HS3ST3B1: variants seen among roughly 807,000 people sequenced by gnomAD.
The protein encoded by HS3ST3B1 is heparan sulfate glucosamine 3-O-sulfotransferase 3B1.
A neutral mutation model predicts 21.3 loss-of-function variants in HS3ST3B1; 13 were observed. That is an observed-to-expected ratio of 0.61 (90% CI 0.40 to 0.97). The LOEUF (loss-of-function observed/expected upper bound fraction) is 0.97. HS3ST3B1 is among the 50% of genes least tolerant of loss of function. The probability of loss-of-function intolerance (pLI) is 0.00; values close to 1 mark genes in which losing one functional copy is unlikely to be tolerated. For missense variants in HS3ST3B1, 459 were observed against 554.8 expected, an observed-to-expected ratio of 0.83 and a Z score of 1.73; for synonymous variants, 234 against 254.8, an observed-to-expected ratio of 0.92 and a Z score of 0.78.
chr17:14,313,840 G>T (rs1909414302), intron 1 of HS3ST3B1, among the ~76,000 whole-genome samples: 1 of 152,304 alleles, frequency 6.6e-6, no homozygotes, highest in Admixed American at 6.5e-5. Flanking sequence ...AAAGTGCTGG[G>T]ATTACAGGCG....
In HS3ST3B1 at chr17:14,301,117, G is replaced by T. The variant is rs934799874; in HGVS notation, c.-402G>T. ...CTGCAGCCTCTGCGGGGAAGTGCCG[G>T]GGCTGCTCGAGGCTCAGTTCTTAGG... On this transcript the variant is annotated 5_prime_UTR_variant, in exon 1 of 2. Coordinates refer to ENST00000360954, the MANE Select transcript of HS3ST3B1 (RefSeq NM_006041.3). 3 of 206,984 alleles carry T rather than the reference G, an allele frequency of 1.4e-5. No homozygotes were observed. In the Admixed American group the frequency reaches 1.8e-4, roughly 12 times the overall value. 12.8% of individuals were successfully genotyped at this position (206,984 alleles called of 1,614,324 possible). A position where few individuals can be genotyped will look rare whatever the true frequency, so the allele number is the denominator to read the frequency against.
At chr17:14,326,155 A>G (rs536595008) in intron 1 of HS3ST3B1, among the ~76,000 whole-genome samples, 1 of 152,210 alleles carries the variant, frequency 6.6e-6, no homozygotes, top group South Asian at 2.1e-4. Context: ...CAGAAAGAAT[A>G]GTCCAGGAGG....
Position 14,348,714 on chromosome 17 carries a change from T to C in HS3ST3B1, c.*3068T>C, listed in dbSNP as rs1292799865. 3 of 152,300 alleles carry C rather than the reference T, an allele frequency of 2.0e-5. No homozygotes were observed. Among genetic ancestry groups the C allele is most frequent in the South Asian group, 2.1e-4 (1 of 4,828 alleles). 9.4% of individuals were successfully genotyped at this position (152,300 alleles called of 1,614,324 possible). ...ATTCATTGGAGTACTTTATTTTTTT[T>C]CCTCAGTTTTGTTTCTTTTCTCATG... On this transcript the variant is annotated 3_prime_UTR_variant, in exon 2 of 2. Coordinates refer to ENST00000360954, the MANE Select transcript of HS3ST3B1 (RefSeq NM_006041.3).
rs1173656947 is a variant in HS3ST3B1 at position 14,303,481 on chromosome 17, C to A, written c.554+1409C>A. On this transcript the variant is annotated intron_variant, in intron 1 of 1. Coordinates refer to ENST00000360954, the MANE Select transcript of HS3ST3B1 (RefSeq NM_006041.3). This position sits in a 1 kb window ranked among gnomAD's most constrained non-coding sequence, Gnocchi z 5.7. The stretch of plus-strand genomic sequence containing the variant: ...TCGAGGTTTAGCCAACCGTGACAGT[C>A]ATCTTTCCCACCGTTCCCGGGCTGT... 6.6e-6 allele frequency among the ~76,000 whole-genome samples: 1 copy of A among 152,174 alleles called. No homozygotes were observed. Among genetic ancestry groups the A allele is most frequent in the Non-Finnish European group, 1.5e-5 (1 of 68,026 alleles).
chr17:14,334,567 C>G (rs1236669579), intron 1 of HS3ST3B1, among the ~76,000 whole-genome samples: 1 of 152,048 alleles, frequency 6.6e-6, no homozygotes, highest in African/African-American at 2.4e-5. Context: ...CATAAACTCC[C>G]CCATTATCAA....
chr17:14,319,934 C>G (rs12952906), intron 1 of HS3ST3B1, among the ~76,000 whole-genome samples: 50,835 of 151,750 alleles, frequency 0.33, 8,655 homozygotes, highest in Non-Finnish European at 0.35. Flanking sequence ...CCACCCTCCC[C>G]CCGAGTCCCC....
intron 1 of HS3ST3B1, among the ~76,000 whole-genome samples, chr17:14,337,636 C>T (rs2142350039): frequency 6.6e-6 from 1 of 151,838 alleles, no homozygotes; most frequent in East Asian, 1.9e-4. Context: ...TGCACCTGAC[C>T]TGCCTGATTG....
At position 14,347,412 on chromosome 17, in the gene HS3ST3B1, G is replaced by GT. The variant is rs1285576129; in HGVS notation, c.*1772dup. The GT allele has an allele frequency of 5.9e-5, 9 of 152,302 alleles. No homozygotes were observed. The highest frequency in any genetic ancestry group is 3.4e-3 in the Middle Eastern group (1 of 294). The allele number at this position is 152,302 out of a possible 1,614,324, so 9.4% of individuals were successfully genotyped here. A position where few individuals can be genotyped will look rare whatever the true frequency, so the allele number is the denominator to read the frequency against. ...TAATGATATGTTTAATTTAACCTCAGTTTTTTAAACCAGAATGCTTCTACC... is the reference window on the plus strand; with the variant it reads ...TAATGATATGTTTAATTTAACCTCAGTTTTTTTAAACCAGAATGCTTCTACC... On this transcript the variant is annotated 3_prime_UTR_variant, in exon 2 of 2. Coordinates refer to ENST00000360954, the MANE Select transcript of HS3ST3B1 (RefSeq NM_006041.3).
rs35154149 is a variant in HS3ST3B1, at chr17:14,312,901, C to CTT, written c.554+10846_554+10847dup. Among the ~76,000 whole-genome samples, 666 of 129,406 alleles carry CTT rather than the reference C, an allele frequency of 5.1e-3. 9 individuals are homozygous for CTT. The highest frequency in any genetic ancestry group is 0.015 in the South Asian group (59 of 3,900). 84.9% of individuals were successfully genotyped at this position (129,406 alleles called of 152,430 possible). On this transcript the variant is annotated intron_variant, in intron 1 of 1. Coordinates refer to ENST00000360954, the MANE Select transcript of HS3ST3B1 (RefSeq NM_006041.3). Reference sequence around the variant, plus strand: ...CCCCAGCAGTTGTGAGTGAAAATGTCTTTTTTTTTTTTTTTTTTCCAGAGA... The same window carrying CTT: ...CCCCAGCAGTTGTGAGTGAAAATGTCTTTTTTTTTTTTTTTTTTTTCCAGAGA...
chr17:14,330,217 A>T (rs1909966105), intron 1 of HS3ST3B1, among the ~76,000 whole-genome samples: 1 of 152,100 alleles, frequency 6.6e-6, no homozygotes, highest in Non-Finnish European at 1.5e-5. Flanking sequence ...TTTTGTACGT[A>T]TTCAAACACC....
chr17:14,318,254 G>A (rs1909559299), intron 1 of HS3ST3B1, among the ~76,000 whole-genome samples: 1 of 152,112 alleles, frequency 6.6e-6, no homozygotes, highest in Non-Finnish European at 1.5e-5. Flanking sequence ...GCTGGGCCCT[G>A]CCACCTCTCC....
At chr17:14,310,656 A>T (rs1300511234) in intron 1 of HS3ST3B1, among the ~76,000 whole-genome samples, 1 of 152,166 alleles carries the variant, frequency 6.6e-6, no homozygotes, top group African/African-American at 2.4e-5. Flanking sequence ...TCTCTTCCAG[A>T]TCGCTCCCGG....
chr17:14,340,272 C>T (rs543575116), intron 1 of HS3ST3B1, among the ~76,000 whole-genome samples: 14 of 152,286 alleles, frequency 9.2e-5, no homozygotes, highest in African/African-American at 3.4e-4. Context: ...GATATCTTAT[C>T]AGGTTCCTCA....
At position 14,307,792 on chromosome 17, in the gene HS3ST3B1, G is replaced by A. The variant is rs184931169; in HGVS notation, c.554+5720G>A. On this transcript the variant is annotated intron_variant, in intron 1 of 1. Transcript: ENST00000360954. ...ACACAAAATGCCTACTCTAAAGGCAGGGCATAATGAGCATTTCTTTTGCTG... is the reference window on the plus strand; with the variant it reads ...ACACAAAATGCCTACTCTAAAGGCAAGGCATAATGAGCATTTCTTTTGCTG... Among the ~76,000 whole-genome samples, 150 of 152,296 alleles carry A rather than the reference G, an allele frequency of 9.8e-4. 1 individual carries two copies. Among genetic ancestry groups the A allele is most frequent in the East Asian group, 5.8e-4 (3 of 5,184 alleles).
At chr17:14,308,209 T>G (rs1414354584) in intron 1 of HS3ST3B1, among the ~76,000 whole-genome samples, 1 of 152,202 alleles carries the variant, frequency 6.6e-6, no homozygotes, top group East Asian at 1.9e-4. Context: ...TGTCAAGAGA[T>G]TTGGGGAAAA....
In HS3ST3B1 at chr17:14,301,588, C is replaced by G; in HGVS notation, c.70C>G (p.Pro24Ala). The stretch of plus-strand genomic sequence containing the variant: ...CGGCCGGCTCCTACCGCAGCCGCCG[C>G]CGCCCCCGCCGCCGGTGAGGAGGAA... ...VPGRLLPQPP[P>A]PPPPVRRKLA... The change falls in exon 1 of 2, where the codon CCG becomes GCG. Residue 24 changes from proline to alanine, a missense_variant. By Grantham distance (27) the Pro-to-Ala change is conservative. Transcript: ENST00000360954. 1 of 1,600,916 alleles carries G rather than the reference C, an allele frequency of 6.2e-7. No homozygotes were observed. Among genetic ancestry groups the G allele is most frequent in the Non-Finnish European group, 8.5e-7 (1 of 1,178,188 alleles).
chr17:14,333,140 G>A (rs1446791415), intron 1 of HS3ST3B1, among the ~76,000 whole-genome samples: 1 of 152,052 alleles, frequency 6.6e-6, no homozygotes, highest in Non-Finnish European at 1.5e-5. Context: ...ATCTGTGAAA[G>A]AAAACCAGAG....
chr17:14,302,102 C>T, intron 1 of HS3ST3B1, 30 bp downstream of exon 1: 1 of 1,566,532 alleles, frequency 6.4e-7, no homozygotes, highest in Non-Finnish European at 8.6e-7. Flanking sequence ...GCAGGGTCTC[C>T]ATCGTCGATT....
rs140336845 is a variant in HS3ST3B1, at chr17:14,301,932, G to T, written c.414G>T (p.Pro138=). 1.2e-6 allele frequency: 2 copies of T among 1,609,600 alleles called. No individual in the cohort carries two copies. The highest frequency in any genetic ancestry group is 1.7e-6 in the Non-Finnish European group (2 of 1,178,582). The change falls in exon 1 of 2, where the codon CCG becomes CCT. Residue 138 remains proline, a synonymous_variant. Transcript: ENST00000360954. ...GTGGGTCTGGGAGCAAGCAGCTGCC[G>T]CAGGCCATCATCATCGGCGTGAAGA... ...FFSGSGSKQL[P]QAIIIGVKKG...
Sources: allele counts gnomAD v4.1 joint callset (sites outside exome capture counted in the v4.1 genomes callset), GRCh38; gene constraint gnomAD v4.1.1; non-coding constraint Gnocchi (gnomAD v3.1); transcripts MANE v1.5; gene names NCBI Gene and HGNC (gene_info 2026-07-23, HGNC 2026-07-21).